Variants in WIZ observed in about 807,000 individuals in gnomAD.
The protein encoded by WIZ is protein Wiz.
WIZ carries 25 observed loss-of-function variants against 140.2 expected under a neutral mutation model. The ratio of observed to expected loss-of-function variants is 0.18; its 90% CI spans 0.13 to 0.25. The LOEUF is 0.25. Among genes scored for constraint, WIZ ranks in the 10% least tolerant of loss-of-function variants. The pLI, the probability that WIZ is intolerant of heterozygous loss-of-function variation, is 1.00. For missense variants in WIZ, 2,231 were observed against 2,632.6 expected (o/e 0.85, Z 3.34); for synonymous variants, 1,125 against 1,154.3 (o/e 0.97, Z 0.51).
chr19:15,424,155 C>T lies in WIZ; in HGVS notation c.5510+28G>A. The T allele has an allele frequency of 1.4e-6, 2 of 1,470,584 alleles. No homozygotes were observed. Among genetic ancestry groups the T allele is most frequent in the Non-Finnish European group, 1.8e-6 (2 of 1,110,726 alleles). The allele number at this position is 1,470,584 out of a possible 1,614,324, so 91.1% of individuals were successfully genotyped here. A position where few individuals can be genotyped will look rare whatever the true frequency, so the allele number is the denominator to read the frequency against. On this transcript the variant is annotated intron_variant, in intron 12 of 12. Coordinates refer to ENST00000673675, the MANE Select transcript of WIZ (RefSeq NM_001371589.1). The surrounding 1 kb of genome is among the most constrained non-coding windows in gnomAD (Gnocchi z 9.7). ...GGTGACCAAGGTCCACTCAGGTGGT[C>T]TCCCTCCCTCCCCCAGGGGCAGCCT... is the stretch of plus-strand genomic sequence containing the variant.
At position 15,442,468 on chromosome 19, in the gene WIZ, T is replaced by C. The variant is rs1969778979; in HGVS notation, c.278+208A>G. On this transcript the variant is annotated intron_variant, in intron 3 of 12. Transcript: ENST00000673675. This position sits in a 1 kb window ranked among gnomAD's most constrained non-coding sequence, Gnocchi z 5.5. Reference sequence around the variant, plus strand: ...CTGGCCCTGCTCCTGGCAGGGATAATGAGAGTTGACCCTCTGTGTTCATTC... The same window carrying C: ...CTGGCCCTGCTCCTGGCAGGGATAACGAGAGTTGACCCTCTGTGTTCATTC... 6.6e-6 allele frequency among the ~76,000 whole-genome samples: 1 copy of C among 152,132 alleles called. No individual in the cohort carries two copies. Among genetic ancestry groups the C allele is most frequent in the Non-Finnish European group, 1.5e-5 (1 of 68,012 alleles).
intron 3 of WIZ, among the ~76,000 whole-genome samples, chr19:15,441,200 T>C (rs1188882885): frequency 6.6e-6 from 1 of 152,174 alleles, no homozygotes; most frequent in African/African-American, 2.4e-5. Flanking sequence ...GAATGTTCCT[T>C]TTCCCTGCAT....
rs115972642 is a variant in WIZ, at chr19:15,438,918, C to T, written c.2076G>A (p.Pro692=). ...GCACCCTGGCTGCCGCCATGACCTGCGGCCCCAGCTTCGCCACGAGCACAA... is the reference window on the plus strand; with the variant it reads ...GCACCCTGGCTGCCGCCATGACCTGTGGCCCCAGCTTCGCCACGAGCACAA... ...VPIVLVAKLG[P]QVMAAARVPP... Residue 692 remains proline (P), a synonymous_variant, in exon 4 of 13, where the codon CCG becomes CCA. Coordinates refer to ENST00000673675, the MANE Select transcript of WIZ (RefSeq NM_001371589.1). 8 of 1,445,670 alleles carry T rather than the reference C, an allele frequency of 5.5e-6. No homozygotes were observed. The highest frequency in any genetic ancestry group is 2.5e-5 in the East Asian group (1 of 39,986). The allele number at this position is 1,445,670 out of a possible 1,614,324, so 89.6% of individuals were successfully genotyped here.
intron 3 of WIZ, among the ~76,000 whole-genome samples, chr19:15,441,633 T>C (rs1376245090): frequency 6.6e-6 from 1 of 152,136 alleles, no homozygotes; most frequent in African/African-American, 2.4e-5. Context: ...CTTTTCAAGA[T>C]CCTGCCTCCA....
chr19:15,425,109 G>A, intron 10 of WIZ, 77 bp from the exon 11 acceptor site: 6 of 1,508,108 alleles, frequency 4.0e-6, no homozygotes, highest in Non-Finnish European at 5.3e-6. Flanking sequence ...CCCAGGCCAG[G>A]TGCCAATCCC....
intron 2 of WIZ, among the ~76,000 whole-genome samples, chr19:15,443,482 G>A (rs1388347170): frequency 6.6e-6 from 1 of 152,144 alleles, no homozygotes; most frequent in African/African-American, 2.4e-5. Flanking sequence ...CATTCTGACT[G>A]TATGGGCCTC....
At position 15,437,094 on chromosome 19, in the gene WIZ, G is replaced by A. The variant is rs763355086; in HGVS notation, c.2452C>T (p.Arg818Cys). Residue 818 changes from arginine (R) to cysteine (C), a missense_variant, in exon 5 of 13, where the codon CGC (arginine) becomes TGC (cysteine). Coordinates refer to ENST00000673675, the MANE Select transcript of WIZ (RefSeq NM_001371589.1). Reference protein sequence around the residue: ...NFDPGTFSLMRCDFCGAGFDT... With the variant: ...NFDPGTFSLMCCDFCGAGFDT... Reference sequence around the variant, plus strand: ...AAGCCAGCCCCGCAGAAGTCACAGCGCATCAGGCTGAAGGTGCCTGGGTCA... The same window carrying A: ...AAGCCAGCCCCGCAGAAGTCACAGCACATCAGGCTGAAGGTGCCTGGGTCA... 6 of 1,610,292 alleles carry A rather than the reference G, an allele frequency of 3.7e-6. No homozygotes were observed. In the African/African-American group the frequency reaches 4.0e-5, roughly 11 times the overall value.
chr19:15,423,017 C>T lies in WIZ; in HGVS notation c.*59G>A. The T allele has an allele frequency of 6.3e-7, 1 of 1,582,860 alleles. No homozygotes were observed. Among genetic ancestry groups the T allele is most frequent in the Admixed American group, 1.7e-5 (1 of 57,818 alleles). On this transcript the variant is annotated 3_prime_UTR_variant, in exon 13 of 13. Coordinates refer to ENST00000673675, the MANE Select transcript of WIZ (RefSeq NM_001371589.1). Reference sequence around the variant, plus strand: ...AGAAAGAGGAAGAGGGACAAGGACACAGAGGAGGAAGAAGAGGAGACAGAG... The same window carrying T: ...AGAAAGAGGAAGAGGGACAAGGACATAGAGGAGGAAGAAGAGGAGACAGAG...
chr19:15,433,919 G>A (rs995079517), intron 5 of WIZ, among the ~76,000 whole-genome samples: 8 of 152,192 alleles, frequency 5.3e-5, no homozygotes, highest in Admixed American at 4.6e-4. Context: ...ACTGAGCCCA[G>A]AGTACAGATC....
rs912534263 is a variant in WIZ, at chr19:15,428,237, C to G, written c.3687G>C (p.Pro1229=). The G allele has an allele frequency of 6.5e-7, 1 of 1,530,424 alleles. No individual in the cohort carries two copies. Among genetic ancestry groups the G allele is most frequent in the Non-Finnish European group, 8.7e-7 (1 of 1,144,904 alleles). 94.8% of individuals were successfully genotyped at this position (1,530,424 alleles called of 1,614,324 possible). A position where few individuals can be genotyped will look rare whatever the true frequency, so the allele number is the denominator to read the frequency against. ...CCTTCAGCTTGGCCTTCTTGGCCGG[C>G]GGTGGGGGGGGAAGCAAGGAGAGGG... ...SAALSLLPPP[P]PAKKAKLKAA... is the part of the protein sequence containing the mutation. Residue 1229 remains proline (P), a synonymous_variant, in exon 8 of 13, where the codon CCG becomes CCC. Coordinates refer to ENST00000673675, the MANE Select transcript of WIZ (RefSeq NM_001371589.1). This position sits in a 1 kb window ranked among gnomAD's most constrained non-coding sequence, Gnocchi z 6.4.
Position 15,428,099 on chromosome 19 carries a change from C to G in WIZ, c.3814+11G>C, listed in dbSNP as rs1038107706. 2.7e-5 allele frequency: 41 copies of G among 1,533,194 alleles called. No individual in the cohort carries two copies. The highest frequency in any genetic ancestry group is 3.5e-5 in the Non-Finnish European group (40 of 1,146,490). 95.0% of individuals were successfully genotyped at this position (1,533,194 alleles called of 1,614,324 possible). On this transcript the variant is annotated intron_variant, in intron 8 of 12. Transcript: ENST00000673675. The surrounding 1 kb of genome is among the most constrained non-coding windows in gnomAD (Gnocchi z 6.4). ...CGCAGTGAGGAGGGGGCAGCTGAAG[C>G]GAGAACCTACAGAGGTTGAGAGGAG...
At position 15,422,331 on chromosome 19, in the gene WIZ, TGGGGGAGGAGA is replaced by T. The variant is rs1968419643; in HGVS notation, c.*734_*744del. The T allele has an allele frequency of 6.6e-6, 1 of 151,884 alleles. No individual in the cohort carries two copies. The highest frequency in any genetic ancestry group is 6.6e-5 in the Admixed American group (1 of 15,260). 9.4% of individuals were successfully genotyped at this position (151,884 alleles called of 1,614,324 possible). On this transcript the variant is annotated 3_prime_UTR_variant, in exon 13 of 13. Transcript: ENST00000673675. ...AGTGAAAAGGGAGAGGGAGCAGGAG[TGGGGGAGGAGA>T]GTCCCACCCCCCAACCCCACCCTCC...
In WIZ at chr19:15,438,614, C is replaced by G; in HGVS notation, c.2380G>C (p.Glu794Gln). ...TTCTTCTGGAAGGAGAACCTGCGCT[C>G]AATGGCCTTCACCTCCTCAGCGGAG... ...FISAEEVKAI[E>Q]RRFSFQKKKK... The change falls in exon 4 of 13, where the codon GAG becomes CAG. Residue 794 changes from glutamate (E) to glutamine (Q), a missense_variant. By Grantham distance (29) the Glu-to-Gln change is conservative. Around this residue, in one of 15 missense-constraint regions of WIZ, gnomAD observed 118 missense variants for 209.1 expected, o/e 0.56. Coordinates refer to ENST00000673675, the MANE Select transcript of WIZ (RefSeq NM_001371589.1). 1 of 1,520,486 alleles carries G rather than the reference C, an allele frequency of 6.6e-7. No individual in the cohort carries two copies. Among genetic ancestry groups the G allele is most frequent in the Non-Finnish European group, 8.8e-7 (1 of 1,134,420 alleles). The allele number at this position is 1,520,486 out of a possible 1,614,324, so 94.2% of individuals were successfully genotyped here.
In WIZ at chr19:15,442,532, C is replaced by A; in HGVS notation, c.278+144G>T. ...ACCCCAGCACACGCCCAGGGGCTTG[C>A]CTGCCGGGAGCTGACTCCTCCTCCT... On this transcript the variant is annotated intron_variant, in intron 3 of 12. Transcript: ENST00000673675. The surrounding 1 kb of genome is among the most constrained non-coding windows in gnomAD (Gnocchi z 5.5). 1 of 558,218 alleles carries A rather than the reference C, an allele frequency of 1.8e-6. No homozygotes were observed. Among genetic ancestry groups the A allele is most frequent in the Non-Finnish European group, 2.7e-6 (1 of 373,098 alleles). 34.6% of individuals were successfully genotyped at this position (558,218 alleles called of 1,614,324 possible).
At chr19:15,444,105 A>G (rs1292123913) in intron 2 of WIZ, among the ~76,000 whole-genome samples, 2 of 152,234 alleles carry the variant, frequency 1.3e-5, no homozygotes, top group Non-Finnish European at 2.9e-5. Context: ...AGAGCCCGAC[A>G]GATGCAATTG....
Position 15,428,548 on chromosome 19 carries a change from C to A in WIZ, c.3416-40G>T. On this transcript the variant is annotated intron_variant, in intron 7 of 12. Transcript: ENST00000673675. This position sits in a 1 kb window ranked among gnomAD's most constrained non-coding sequence, Gnocchi z 6.4. ...CACAGGGGGGGTTCACGGCCGCCAC[C>A]TTGGCCGGCCTTGGGGGCCTGAGGT... 6.5e-7 allele frequency: 1 copy of A among 1,534,980 alleles called. No individual in the cohort carries two copies. The highest frequency in any genetic ancestry group is 8.7e-7 in the Non-Finnish European group (1 of 1,146,590).
At position 15,440,138 on chromosome 19, in the gene WIZ, T is replaced by A. The variant is rs1230954016; in HGVS notation, c.856A>T (p.Thr286Ser). 24 of 1,532,968 alleles carry A rather than the reference T, an allele frequency of 1.6e-5. No individual in the cohort carries two copies. Among genetic ancestry groups the A allele is most frequent in the Non-Finnish European group, 1.9e-5 (22 of 1,145,502 alleles). 95.0% of individuals were successfully genotyped at this position (1,532,968 alleles called of 1,614,324 possible). A position where few individuals can be genotyped will look rare whatever the true frequency, so the allele number is the denominator to read the frequency against. The change falls in exon 4 of 13, where the codon ACC (threonine) becomes TCC (serine). Residue 286 changes from threonine to serine, a missense_variant. Thr to Ser is a moderately conservative substitution (Grantham distance 58, BLOSUM62 1). Transcript: ENST00000673675. The surrounding 1 kb of genome is among the most constrained non-coding windows in gnomAD (Gnocchi z 6.2). ...RLQPLLPPIRTGPYLCELLEE... is the reference protein window; with the variant it reads ...RLQPLLPPIRSGPYLCELLEE... ...AGCAGCTCACACAGGTAGGGCCCGGTCCGGATCGGGGGCAGTAGCGGCTGC... is the reference window on the plus strand; with the variant it reads ...AGCAGCTCACACAGGTAGGGCCCGGACCGGATCGGGGGCAGTAGCGGCTGC...
At chr19:15,435,233 CAAAAA>C (rs373522229) in intron 5 of WIZ, among the ~76,000 whole-genome samples, 1 of 150,108 alleles carries the variant, frequency 6.7e-6, no homozygotes, top group African/African-American at 2.4e-5. Context: ...AACCAACAAA[CAAAAA>C]AAAACAGAAA....
intron 9 of WIZ, among the ~76,000 whole-genome samples, chr19:15,426,559 C>G (rs1968834021): frequency 6.6e-6 from 1 of 152,242 alleles, no homozygotes; most frequent in South Asian, 2.1e-4. Context: ...GAGATCTTAA[C>G]TCACACTTGA....
Sources: gnomAD v4.1 joint callset for allele counts (sites outside exome capture counted in the v4.1 genomes callset) on GRCh38, gnomAD v4.1.1 for gene constraint, gnomAD v4.1.1 regional missense constraint, Gnocchi (gnomAD v3.1) non-coding constraint, MANE v1.5 for transcripts, NCBI Gene and HGNC (gene_info 2026-07-23, HGNC 2026-07-21) for gene names.